EPHB3: variants seen among roughly 807,000 people sequenced by gnomAD.
The protein encoded by EPHB3 is ephrin type-B receptor 3.
A neutral mutation model predicts 100.2 loss-of-function variants in EPHB3; 33 were observed. The observed-to-expected ratio is 0.33, with a 90% CI of 0.25 to 0.44. The LOEUF (loss-of-function observed/expected upper bound fraction) is 0.44, where lower values mean the gene tolerates loss of function less well. EPHB3 is among the 20% of genes least tolerant of loss of function. EPHB3 has a pLI of 1.00. For synonymous variants in EPHB3, 526 were observed against 554.7 expected, an observed-to-expected ratio of 0.95 and a Z score of 0.73; for missense variants, 1,045 against 1,378.3, an observed-to-expected ratio of 0.76 and a Z score of 3.83.
rs1394619235 is a variant in EPHB3, at chr3:184,579,984, G to A, written c.2172+50G>A. On this transcript the variant is annotated intron_variant, in intron 11 of 15. Coordinates refer to ENST00000330394, the MANE Select transcript of EPHB3 (RefSeq NM_004443.4). The surrounding 1 kb of genome is among the most constrained non-coding windows in gnomAD (Gnocchi z 5.2). ...TCCCTCCCCCAGAGAGTTGGATTGGGCTCACCATCCCCTCCCACAAGTCAG... is the reference window on the plus strand; with the variant it reads ...TCCCTCCCCCAGAGAGTTGGATTGGACTCACCATCCCCTCCCACAAGTCAG... 2 of 1,580,306 alleles carry A rather than the reference G, an allele frequency of 1.3e-6. No homozygotes were observed. The highest frequency in any genetic ancestry group is 1.7e-6 in the Non-Finnish European group (2 of 1,164,644).
In EPHB3 at chr3:184,579,821, G is replaced by A. The variant is rs1273458201; in HGVS notation, c.2059G>A (p.Gly687Ser). The A allele has an allele frequency of 6.2e-7, 1 of 1,613,608 alleles. No homozygotes were observed. Among genetic ancestry groups the A allele is most frequent in the African/African-American group, 1.3e-5 (1 of 74,830 alleles). Residue 687 changes from glycine (G) to serine (S), a missense_variant, in exon 11 of 16, where the codon GGT (glycine) becomes AGT (serine). By Grantham distance (56) the Gly-to-Ser change is moderately conservative (BLOSUM62 0). Coordinates refer to ENST00000330394, the MANE Select transcript of EPHB3 (RefSeq NM_004443.4). The surrounding 1 kb of genome is among the most constrained non-coding windows in gnomAD (Gnocchi z 5.2). The stretch of plus-strand genomic sequence containing the variant: ...CTTCCTAAGCGAGGCCTCCATCATG[G>A]GTCAGTTTGATCACCCCAATATAAT... ...RDFLSEASIM[G>S]QFDHPNIIRL...
At position 184,577,972 on chromosome 3, in the gene EPHB3, G is replaced by C; in HGVS notation, c.1714G>C (p.Val572Leu). Reference protein sequence around the residue: ...GSATAGLVFVVAVVVIAIVCL... With the variant: ...GSATAGLVFVLAVVVIAIVCL... Reference sequence around the variant, plus strand: ...CGCTACAGCTGGGCTTGTCTTCGTGGTGGCTGTCGTGGTCATCGCTATCGT... The same window carrying C: ...CGCTACAGCTGGGCTTGTCTTCGTGCTGGCTGTCGTGGTCATCGCTATCGT... The change falls in exon 8 of 16, where the codon GTG (valine) becomes CTG (leucine). Residue 572 changes from valine to leucine, a missense_variant. This residue lies in a region of EPHB3 where 985 missense variants were observed against 1,331.1 expected (regional missense o/e 0.74). Coordinates refer to ENST00000330394, the MANE Select transcript of EPHB3 (RefSeq NM_004443.4). The surrounding 1 kb of genome is among the most constrained non-coding windows in gnomAD (Gnocchi z 4.9). The C allele has an allele frequency of 6.2e-7, 1 of 1,613,984 alleles. No individual in the cohort carries two copies. Among genetic ancestry groups the C allele is most frequent in the Non-Finnish European group, 8.5e-7 (1 of 1,179,970 alleles).
In EPHB3 at chr3:184,563,093, C is replaced by G. The variant is rs1366798719; in HGVS notation, c.118+740C>G. 6.6e-6 allele frequency among the ~76,000 whole-genome samples: 1 copy of G among 152,190 alleles called. No individual in the cohort carries two copies. Among genetic ancestry groups the G allele is most frequent in the Non-Finnish European group, 1.5e-5 (1 of 68,026 alleles). ...AGGCTTCTCAATAGGTTCTGTGAAACCTGCCAAGACTGCTGTGGGGGGCAG... is the reference window on the plus strand; with the variant it reads ...AGGCTTCTCAATAGGTTCTGTGAAAGCTGCCAAGACTGCTGTGGGGGGCAG... On this transcript the variant is annotated intron_variant, in intron 1 of 15. Coordinates refer to ENST00000330394, the MANE Select transcript of EPHB3 (RefSeq NM_004443.4). The surrounding 1 kb of genome is among the most constrained non-coding windows in gnomAD (Gnocchi z 4.1).
chr3:184,581,247 C>A lies in EPHB3; in HGVS notation c.2733-6C>A. On this transcript the variant is annotated splice_polypyrimidine_tract_variant and splice_region_variant and intron_variant, in intron 14 of 15. Coordinates refer to ENST00000330394, the MANE Select transcript of EPHB3 (RefSeq NM_004443.4). Reference sequence around the variant, plus strand: ...GACTCACCAGGTCCTTCTCTTCTTCCCACAGCATGTCACAGCCCCTCCTGG... The same window carrying A: ...GACTCACCAGGTCCTTCTCTTCTTCACACAGCATGTCACAGCCCCTCCTGG... 6.3e-7 allele frequency: 1 copy of A among 1,597,032 alleles called. No individual in the cohort carries two copies. The highest frequency in any genetic ancestry group is 8.5e-7 in the Non-Finnish European group (1 of 1,170,062).
At position 184,581,011 on chromosome 3, in the gene EPHB3, C is replaced by T. The variant is rs762906708; in HGVS notation, c.2578C>T (p.Pro860Ser). Reference sequence around the variant, plus strand: ...GGAGCAGGATTACCGGCTGCCACCACCCATGGACTGTCCCACAGCACTGCA... The same window carrying T: ...GGAGCAGGATTACCGGCTGCCACCATCCATGGACTGTCCCACAGCACTGCA... ...AVEQDYRLPP[P>S]MDCPTALHQL... is the part of the protein sequence containing the mutation. The change falls in exon 14 of 16, where the codon CCC (proline) becomes TCC (serine). Residue 860 changes from proline (P) to serine (S), a missense_variant. Pro to Ser is a moderately conservative substitution (Grantham distance 74). Around this residue, in one of 2 missense-constraint regions of EPHB3, gnomAD observed 985 missense variants for 1,331.1 expected, o/e 0.74. Coordinates refer to ENST00000330394, the MANE Select transcript of EPHB3 (RefSeq NM_004443.4). 10 of 1,613,938 alleles carry T rather than the reference C, an allele frequency of 6.2e-6. No homozygotes were observed. The highest frequency in any genetic ancestry group is 4.5e-5 in the East Asian group (2 of 44,868).
Position 184,573,907 on chromosome 3 carries a change from G to T in EPHB3, c.856+731G>T, listed in dbSNP as rs1252514545. ...TAATTTTGTATTTTTAGTAGACCGGGTTTCACCATGTTGGTCAGGCTGGTC... is the reference window on the plus strand; with the variant it reads ...TAATTTTGTATTTTTAGTAGACCGGTTTTCACCATGTTGGTCAGGCTGGTC... On this transcript the variant is annotated intron_variant, in intron 3 of 15. Coordinates refer to ENST00000330394, the MANE Select transcript of EPHB3 (RefSeq NM_004443.4). The surrounding 1 kb of genome is among the most constrained non-coding windows in gnomAD (Gnocchi z 4.5). Among the ~76,000 whole-genome samples the T allele has an allele frequency of 6.6e-6, 1 of 151,944 alleles. No individual in the cohort carries two copies. Among genetic ancestry groups the T allele is most frequent in the African/African-American group, 2.4e-5 (1 of 41,346 alleles).
At chr3:184,576,771 C>A in intron 4 of EPHB3, 71 bp from the exon 5 acceptor site, 1 of 1,452,556 alleles carries the variant, frequency 6.9e-7, no homozygotes, top group South Asian at 1.4e-5. Context: ...TTGGAGTGTG[C>A]TGGAACTCCG....
Position 184,581,712 on chromosome 3 carries a change from CT to C in EPHB3, c.*92del. The C allele has an allele frequency of 7.8e-7, 1 of 1,286,236 alleles. No homozygotes were observed. Among genetic ancestry groups the C allele is most frequent in the Non-Finnish European group, 1.1e-6 (1 of 949,576 alleles). 79.7% of individuals were successfully genotyped at this position (1,286,236 alleles called of 1,614,324 possible). Reference sequence around the variant, plus strand: ...ACTCTTGGACTTTTGGATGCCTGGCCTTAGGCTGTGGCCCAGAAGCTGGAAG... The same window carrying C: ...ACTCTTGGACTTTTGGATGCCTGGCCTAGGCTGTGGCCCAGAAGCTGGAAG... On this transcript the variant is annotated 3_prime_UTR_variant, in exon 16 of 16. Transcript: ENST00000330394.
At chr3:184,576,092 A>G in intron 4 of EPHB3, 107 bp downstream of exon 4, 1 of 1,422,214 alleles carries the variant, frequency 7.0e-7, no homozygotes, top group Non-Finnish European at 9.4e-7. Context: ...CCAGGGAAGG[A>G]GCTGAGGCTC....
At position 184,577,847 on chromosome 3, in the gene EPHB3, G is replaced by T; in HGVS notation, c.1639+30G>T. The stretch of plus-strand genomic sequence containing the variant: ...GTAGCCCCCTGCGCCTGTCCCCATC[G>T]CGGCCCTCACTCTCTGTCCCTCCAC... On this transcript the variant is annotated intron_variant, in intron 7 of 15. Transcript: ENST00000330394. The surrounding 1 kb of genome is among the most constrained non-coding windows in gnomAD (Gnocchi z 4.9). The T allele has an allele frequency of 6.2e-7, 1 of 1,605,022 alleles. No homozygotes were observed. Among genetic ancestry groups the T allele is most frequent in the South Asian group, 1.1e-5 (1 of 90,356 alleles).
rs1714311861 is a variant in EPHB3, at chr3:184,563,533, T to C, written c.118+1180T>C. Among the ~76,000 whole-genome samples the C allele has an allele frequency of 6.6e-6, 1 of 152,198 alleles. No homozygotes were observed. The highest frequency in any genetic ancestry group is 6.5e-5 in the Admixed American group (1 of 15,280). ...ACACAGTTCAGAGAGAAAGGCATCC[T>C]CTGGTGCGTTCTAATGTTCTCCAGA... On this transcript the variant is annotated intron_variant, in intron 1 of 15. Coordinates refer to ENST00000330394, the MANE Select transcript of EPHB3 (RefSeq NM_004443.4). This position sits in a 1 kb window ranked among gnomAD's most constrained non-coding sequence, Gnocchi z 4.1.
Position 184,581,143 on chromosome 3 carries a change from G to A in EPHB3, c.2710G>A (p.Val904Ile), listed in dbSNP as rs764242189. The change falls in exon 14 of 16, where the codon GTC becomes ATC. Residue 904 changes from valine (V) to isoleucine (I), a missense_variant. Coordinates refer to ENST00000330394, the MANE Select transcript of EPHB3 (RefSeq NM_004443.4). The stretch of plus-strand genomic sequence containing the variant: ...CATCCGCAATGCTGCCAGCCTCAAG[G>A]TCATTGCCAGCGCTCAGTCTGGGTT... ...KLIRNAASLK[V>I]IASAQSGMSQ... The A allele has an allele frequency of 2.5e-6, 4 of 1,614,130 alleles. No individual in the cohort carries two copies. In the South Asian group the frequency reaches 3.3e-5, roughly 13 times the overall value.
chr3:184,569,567 G>C lies in EPHB3; in HGVS notation c.119-1751G>C, dbSNP rs1322340932. On this transcript the variant is annotated intron_variant, in intron 1 of 15. Transcript: ENST00000330394. The surrounding 1 kb of genome is among the most constrained non-coding windows in gnomAD (Gnocchi z 5.4). ...AATGTCTGTGTCTGTCTGTCTGTCT[G>C]TCTGTCTGCCAGAGGCCAGGATCGC... Among the ~76,000 whole-genome samples the C allele has an allele frequency of 6.6e-6, 1 of 152,188 alleles. No individual in the cohort carries two copies. The highest frequency in any genetic ancestry group is 1.5e-5 in the Non-Finnish European group (1 of 68,022).
chr3:184,576,091 G>T, intron 4 of EPHB3, 106 bp downstream of exon 4: 2 of 1,423,826 alleles, frequency 1.4e-6, no homozygotes, highest in South Asian at 3.0e-5. Flanking sequence ...TCCAGGGAAG[G>T]AGCTGAGGCT....
At position 184,567,231 on chromosome 3, in the gene EPHB3, C is replaced by T. The variant is rs75399941; in HGVS notation, c.119-4087C>T. 2.0e-5 allele frequency among the ~76,000 whole-genome samples: 3 copies of T among 152,374 alleles called. No individual in the cohort carries two copies. The East Asian group carries it at 5.8e-4, about 29-fold the overall frequency. On this transcript the variant is annotated intron_variant, in intron 1 of 15. Transcript: ENST00000330394. Reference sequence around the variant, plus strand: ...CTTCATGCCCCTGCTCCACCCCAGCCTCGTGACCTGACTGACAGCTCCTGC... The same window carrying T: ...CTTCATGCCCCTGCTCCACCCCAGCTTCGTGACCTGACTGACAGCTCCTGC...
In EPHB3 at chr3:184,580,887, G is replaced by A. The variant is rs753583184; in HGVS notation, c.2538+9G>A. On this transcript the variant is annotated intron_variant, in intron 13 of 15. Coordinates refer to ENST00000330394, the MANE Select transcript of EPHB3 (RefSeq NM_004443.4). Reference sequence around the variant, plus strand: ...ACATGAGCAACCAGGATGTGAGTGAGGCTACGCCAGAGTGGTTGGGTAGGT... The same window carrying A: ...ACATGAGCAACCAGGATGTGAGTGAAGCTACGCCAGAGTGGTTGGGTAGGT... 7 of 1,612,128 alleles carry A rather than the reference G, an allele frequency of 4.3e-6. No individual in the cohort carries two copies. Among genetic ancestry groups the A allele is most frequent in the Non-Finnish European group, 5.9e-6 (7 of 1,178,394 alleles).
rs745543009 is a variant in EPHB3 at position 184,577,767 on chromosome 3, G to A, written c.1589G>A (p.Gly530Asp). ...CAGGTCCGTGCCCGCACAGTAGCTG[G>A]CTATGGGCAGTACAGCCGCCCTGCC... ...VVQVRARTVA[G>D]YGQYSRPAEF... Residue 530 changes from glycine to aspartate, a missense_variant, in exon 7 of 16, where the codon GGC (glycine) becomes GAC (aspartate). Gly to Asp is a moderately conservative substitution (Grantham distance 94). This residue lies in a region of EPHB3 where 985 missense variants were observed against 1,331.1 expected (regional missense o/e 0.74). Coordinates refer to ENST00000330394, the MANE Select transcript of EPHB3 (RefSeq NM_004443.4). The surrounding 1 kb of genome is among the most constrained non-coding windows in gnomAD (Gnocchi z 4.9). 6.2e-7 allele frequency: 1 copy of A among 1,610,652 alleles called. No homozygotes were observed. Among genetic ancestry groups the A allele is most frequent in the African/African-American group, 1.3e-5 (1 of 74,890 alleles).
rs1243182218 is a variant in EPHB3, at chr3:184,578,760, T to C, written c.1801+294T>C. Among the ~76,000 whole-genome samples, 1 of 152,126 alleles carries C rather than the reference T, an allele frequency of 6.6e-6. No homozygotes were observed. The highest frequency in any genetic ancestry group is 1.5e-5 in the Non-Finnish European group (1 of 68,024). ...GAAACAATTTGAGAACAATTAAGGG[T>C]TGAGCTGGGTGCTCCTGTTGTAAAG... On this transcript the variant is annotated intron_variant, in intron 9 of 15. Transcript: ENST00000330394. The surrounding 1 kb of genome is among the most constrained non-coding windows in gnomAD (Gnocchi z 4.7).
At position 184,563,528 on chromosome 3, in the gene EPHB3, C is replaced by G. The variant is rs998000388; in HGVS notation, c.118+1175C>G. 6.6e-6 allele frequency among the ~76,000 whole-genome samples: 1 copy of G among 152,208 alleles called. No individual in the cohort carries two copies. Among genetic ancestry groups the G allele is most frequent in the African/African-American group, 2.4e-5 (1 of 41,464 alleles). On this transcript the variant is annotated intron_variant, in intron 1 of 15. Transcript: ENST00000330394. The surrounding 1 kb of genome is among the most constrained non-coding windows in gnomAD (Gnocchi z 4.1). ...AAAGAACACAGTTCAGAGAGAAAGG[C>G]ATCCTCTGGTGCGTTCTAATGTTCT...
Sources: gnomAD v4.1 joint callset for allele counts (sites outside exome capture counted in the v4.1 genomes callset) on GRCh38, gnomAD v4.1.1 for gene constraint, gnomAD v4.1.1 regional missense constraint, Gnocchi (gnomAD v3.1) non-coding constraint, MANE v1.5 for transcripts, NCBI Gene and HGNC (gene_info 2026-07-23, HGNC 2026-07-21) for gene names.